RASSF3: variants seen among roughly 807,000 people sequenced by gnomAD.
RASSF3 encodes the protein Ras association domain family member 3, also known as ras association domain-containing protein 3.
In RASSF3, 19 loss-of-function variants were observed where a neutral mutation model predicts 19.9. The ratio of observed to expected loss-of-function variants is 0.96; its 90% confidence interval spans 0.67 to 1.40. RASSF3 has a LOEUF of 1.40. Among genes scored for constraint, RASSF3 ranks in the 40% most tolerant of loss-of-function variants. RASSF3 has a pLI of 0.00. For missense variants in RASSF3, 306 were observed against 289.8 expected (o/e 1.06, Z -0.41); for synonymous variants, 110 against 104.2 (o/e 1.06, Z -0.34).
chr12:64,638,529 G>A (rs975899665), intron 1 of RASSF3, among the ~76,000 whole-genome samples: 7 of 149,726 alleles, frequency 4.7e-5, no homozygotes, highest in Middle Eastern at 3.4e-3. Flanking sequence ...GCGGTGAGCC[G>A]AGATCGCGCC....
chr12:64,618,421 G>A (rs1870626391), intron 1 of RASSF3, among the ~76,000 whole-genome samples: 1 of 152,114 alleles, frequency 6.6e-6, no homozygotes, highest in African/African-American at 2.4e-5. Context: ...CCACCTCCTG[G>A]GTTCAAGCAA....
At chr12:64,599,893 G>T (rs564208615) in intron 2 of RASSF3, among the ~76,000 whole-genome samples, 10 of 152,018 alleles carry the variant, frequency 6.6e-5, no homozygotes, top group African/African-American at 2.4e-4. Context: ...TTAGCCGGGC[G>T]TGGTGGCGGG....
chr12:64,508,387 G>A (rs1362268585), intron 1 of RASSF3, among the ~76,000 whole-genome samples: 1 of 151,750 alleles, frequency 6.6e-6, no homozygotes, highest in Non-Finnish European at 1.5e-5. Flanking sequence ...CATGGTGGCT[G>A]GTGCCTGTAA....
chr12:64,553,063 G>C (rs898858593), intron 2 of RASSF3, among the ~76,000 whole-genome samples: 18 of 152,130 alleles, frequency 1.2e-4, no homozygotes, highest in Admixed American at 2.0e-4. Flanking sequence ...ACAAAAATTA[G>C]CCGGGTGTGG....
chr12:64,625,232 TA>T (rs1451047008), intron 1 of RASSF3, among the ~76,000 whole-genome samples: 13 of 152,212 alleles, frequency 8.5e-5, no homozygotes, highest in African/African-American at 2.9e-4. Flanking sequence ...TTATTATTAT[TA>T]TTTTTTAGCT....
chr12:64,673,834 T>G (rs1872785062), intron 1 of RASSF3, among the ~76,000 whole-genome samples: 1 of 151,856 alleles, frequency 6.6e-6, no homozygotes, highest in Non-Finnish European at 1.5e-5. Context: ...TGTAATCTGG[T>G]ATGCCTTGAG....
chr12:64,509,073 A>T (rs943591477), intron 1 of RASSF3, among the ~76,000 whole-genome samples: 1 of 152,178 alleles, frequency 6.6e-6, no homozygotes, highest in African/African-American at 2.4e-5. Context: ...ACCATTCTTC[A>T]GATATGGATT....
chr12:64,578,316 T>G (rs1001514791), intron 2 of RASSF3, among the ~76,000 whole-genome samples: 2 of 152,064 alleles, frequency 1.3e-5, no homozygotes, highest in Non-Finnish European at 2.9e-5. Context: ...TTTATTTAAT[T>G]CCAACGACAT....
upstream of RASSF3, among the ~76,000 whole-genome samples, chr12:64,529,525 G>A (rs190012390): frequency 2.4e-4 from 37 of 152,308 alleles, no homozygotes; most frequent in Admixed American, 1.3e-3. Context: ...GCCTAGAGCT[G>A]CTGAGAGCCA....
intron 1 of RASSF3, among the ~76,000 whole-genome samples, chr12:64,516,683 TA>T (rs947895161): frequency 1.4e-5 from 2 of 146,780 alleles, no homozygotes; most frequent in Non-Finnish European, 3.0e-5. Flanking sequence ...TCAGGAAAAC[TA>T]AAAAAAATTA....
chr12:64,665,133 G>A (rs1297994654), intron 1 of RASSF3, among the ~76,000 whole-genome samples: 2 of 152,170 alleles, frequency 1.3e-5, no homozygotes, highest in African/African-American at 2.4e-5. Flanking sequence ...GAAAGACAGC[G>A]CAGTGGAAGG....
At chr12:64,640,830 AG>A (rs1046152272) in intron 1 of RASSF3, among the ~76,000 whole-genome samples, 3 of 152,048 alleles carry the variant, frequency 2.0e-5, no homozygotes, top group South Asian at 2.1e-4. Flanking sequence ...TTGTAGAGAC[AG>A]GGTCCTCACT....
intron 1 of RASSF3, among the ~76,000 whole-genome samples, chr12:64,647,467 A>G (rs1289805105): frequency 2.0e-5 from 3 of 150,172 alleles, no homozygotes; most frequent in African/African-American, 7.4e-5. Context: ...CTGGAGTGCA[A>G]TGGCATGATC....
At chr12:64,546,412 A>G (rs1869064189), downstream of RASSF3, among the ~76,000 whole-genome samples, 1 of 152,066 alleles carries the variant, frequency 6.6e-6, no homozygotes, top group African/African-American at 2.4e-5. Context: ...CTGGGACTAC[A>G]GGCGCCTGCC....
chr12:64,682,248 G>C (rs533249185), intron 1 of RASSF3, among the ~76,000 whole-genome samples: 121 of 152,226 alleles, frequency 7.9e-4, no homozygotes, highest in Non-Finnish European at 1.7e-3. Context: ...GACTTCACCA[G>C]GATGGTGCTG....
intron 1 of RASSF3, among the ~76,000 whole-genome samples, chr12:64,517,070 T>C (rs1868381506): frequency 6.7e-6 from 1 of 148,496 alleles, no homozygotes; most frequent in Non-Finnish European, 1.5e-5. Context: ...TTTGTAAAAC[T>C]AGTATACCAT....
chr12:64,575,881 G>A (rs1471080017), intron 2 of RASSF3: 1 of 149,628 alleles, frequency 6.7e-6, no homozygotes, highest in Non-Finnish European at 1.5e-5. Flanking sequence ...ATTCTCGACA[G>A]ATTTTTTTTT....
intron 1 of RASSF3, among the ~76,000 whole-genome samples, chr12:64,663,211 G>A (rs759417320): frequency 1.3e-4 from 19 of 151,996 alleles, no homozygotes; most frequent in Non-Finnish European, 2.1e-4. Flanking sequence ...ACATTTTAAG[G>A]CGGGAACCTC....
chr12:64,642,041 C>T (rs1191191493), intron 1 of RASSF3, among the ~76,000 whole-genome samples: 1 of 151,978 alleles, frequency 6.6e-6, no homozygotes, highest in Non-Finnish European at 1.5e-5. Flanking sequence ...CGTGCTCGGC[C>T]TGTGATTCTG....
Sources: gnomAD v4.1 joint callset for allele counts (sites outside exome capture counted in the v4.1 genomes callset) on GRCh38, gnomAD v4.1.1 for gene constraint, MANE v1.5 for transcripts, NCBI Gene and HGNC (gene_info 2026-07-23, HGNC 2026-07-21) for gene names.